CNTN3: variants seen among roughly 807,000 people sequenced by gnomAD.
CNTN3 encodes contactin 3, also known as contactin-3.
CNTN3 carries 60 observed loss-of-function variants against 119.1 expected under a neutral mutation model. The ratio of observed to expected loss-of-function variants is 0.50; its 90% CI spans 0.41 to 0.62. The LOEUF (loss-of-function observed/expected upper bound fraction) is 0.62, where lower values mean the gene tolerates loss of function less well. CNTN3 is among the 20% of genes least tolerant of loss of function. The pLI, the probability that CNTN3 is intolerant of heterozygous loss-of-function variation, is 0.00. For missense variants in CNTN3, 1,101 were observed against 1,242.4 expected (o/e 0.89, Z 1.71); for synonymous variants, 450 against 438.7 (o/e 1.03, Z -0.32).
chr3:74,470,117 T>C (rs981059950), intron 4 of CNTN3, among the ~76,000 whole-genome samples: 5 of 152,082 alleles, frequency 3.3e-5, no homozygotes, highest in African/African-American at 1.2e-4. Context: ...GTATATAAAA[T>C]GTCCAGAATA....
intron 4 of CNTN3, among the ~76,000 whole-genome samples, chr3:74,453,002 C>T (rs1234430586): frequency 2.6e-5 from 4 of 151,734 alleles, no homozygotes; most frequent in African/African-American, 7.3e-5. Flanking sequence ...CTCTGCCCAG[C>T]TTTGGTATCA....
intron 13 of CNTN3, among the ~76,000 whole-genome samples, chr3:74,333,666 T>A (rs1468379010): frequency 6.6e-6 from 1 of 151,774 alleles, no homozygotes; most frequent in Non-Finnish European, 1.5e-5. Context: ...AATTTCCAAA[T>A]AAGGTCACAT....
chr3:74,450,494 G>A (rs942376011), intron 4 of CNTN3, among the ~76,000 whole-genome samples: 6 of 105,412 alleles, frequency 5.7e-5, no homozygotes, highest in African/African-American at 2.4e-4. Context: ...TGGTTTATCT[G>A]AAGCCCTGTT....
intron 1 of CNTN3, among the ~76,000 whole-genome samples, chr3:74,537,771 C>G (rs1703786614): frequency 6.6e-6 from 1 of 152,054 alleles, no homozygotes. Context: ...AGTACATTAA[C>G]AGAGAAGGGA....
intron 1 of CNTN3, among the ~76,000 whole-genome samples, chr3:74,611,208 A>G (rs1705076598): frequency 6.6e-6 from 1 of 152,216 alleles, no homozygotes; most frequent in Admixed American, 6.5e-5. Context: ...ACTTAAGAAA[A>G]TAGTCATTTT....
At chr3:74,568,843 T>G (rs1312515678) in intron 1 of CNTN3, among the ~76,000 whole-genome samples, 2 of 152,216 alleles carry the variant, frequency 1.3e-5, no homozygotes, top group East Asian at 3.9e-4. Flanking sequence ...CTCGAAGGCC[T>G]CAGCCATTGG....
intron 4 of CNTN3, among the ~76,000 whole-genome samples, chr3:74,426,882 T>C (rs891779406): frequency 1.3e-5 from 2 of 152,354 alleles, no homozygotes; most frequent in East Asian, 3.9e-4. Context: ...AGATTATTTC[T>C]TGATGATCAA....
intron 4 of CNTN3, among the ~76,000 whole-genome samples, chr3:74,435,357 T>C (rs921465021): frequency 6.6e-6 from 1 of 152,052 alleles, no homozygotes; most frequent in Non-Finnish European, 1.5e-5. Context: ...TGTATTATTT[T>C]GTAGAGATGG....
chr3:74,361,941 C>G lies in CNTN3; in HGVS notation c.1313G>C (p.Arg438Thr), dbSNP rs747834101. Residue 438 changes from arginine (R) to threonine (T), a missense_variant, in exon 11 of 23, where the codon AGG (arginine) becomes ACG (threonine). Physicochemically the swap from Arg to Thr is moderately conservative, Grantham distance 71. Transcript: ENST00000263665. Reference protein sequence around the residue: ...SLDCKPRASPRALSSWKKGDV... With the variant: ...SLDCKPRASPTALSSWKKGDV... ...CCCCTTCTTCCAGGAAGAGAGTGCCCTTGGGGAGGCTCTGGGTTTACAATC... is the reference window on the plus strand; with the variant it reads ...CCCCTTCTTCCAGGAAGAGAGTGCCGTTGGGGAGGCTCTGGGTTTACAATC... The G allele has an allele frequency of 2.5e-6, 4 of 1,613,762 alleles. No individual in the cohort carries two copies. The highest frequency in any genetic ancestry group is 3.4e-6 in the Non-Finnish European group (4 of 1,179,796).
At chr3:74,289,941 G>A (rs906336684) in intron 19 of CNTN3, among the ~76,000 whole-genome samples, 13 of 152,068 alleles carry the variant, frequency 8.5e-5, no homozygotes, top group Non-Finnish European at 1.3e-4. Flanking sequence ...AAAATGGTGT[G>A]GACTTAACTA....
At chr3:74,445,798 T>C (rs1702039436) in intron 4 of CNTN3, among the ~76,000 whole-genome samples, 1 of 152,156 alleles carries the variant, frequency 6.6e-6, no homozygotes, top group African/African-American at 2.4e-5. Context: ...ACATTCTTCA[T>C]TGGTGTTTAA....
chr3:74,529,926 A>G (rs1414514376), intron 1 of CNTN3, among the ~76,000 whole-genome samples: 1 of 142,690 alleles, frequency 7.0e-6, no homozygotes, highest in Admixed American at 6.8e-5. Flanking sequence ...AGAAAAAGGT[A>G]AATGAAATCA....
chr3:74,396,662 C>T (rs376662846), intron 5 of CNTN3, among the ~76,000 whole-genome samples: 34 of 146,414 alleles, frequency 2.3e-4, no homozygotes, highest in Non-Finnish European at 3.1e-4. Context: ...AGGAGAATGG[C>T]GAGAACCCGG....
chr3:74,567,518 C>A (rs549546860), intron 1 of CNTN3, among the ~76,000 whole-genome samples: 1 of 151,930 alleles, frequency 6.6e-6, no homozygotes, highest in Non-Finnish European at 1.5e-5. Flanking sequence ...TATTTCAACA[C>A]GTTTGAGTTC....
At chr3:74,587,428 A>T (rs1177415499) in intron 1 of CNTN3, among the ~76,000 whole-genome samples, 1 of 151,796 alleles carries the variant, frequency 6.6e-6, no homozygotes, top group Non-Finnish European at 1.5e-5. Context: ...TTCCCTTTTT[A>T]CGTCATTACA....
intron 1 of CNTN3, among the ~76,000 whole-genome samples, chr3:74,603,600 T>C (rs547622777): frequency 1.2e-4 from 19 of 152,172 alleles, no homozygotes; most frequent in African/African-American, 4.3e-4. Flanking sequence ...AAAAAAGATA[T>C]CTCACATTTT....
At chr3:74,303,911 G>T (rs572249879) in intron 13 of CNTN3, among the ~76,000 whole-genome samples, 4 of 152,046 alleles carry the variant, frequency 2.6e-5, no homozygotes, top group African/African-American at 9.7e-5. Flanking sequence ...ATATGATTTC[G>T]AAACCAAAGC....
chr3:74,374,457 C>G lies in CNTN3; in HGVS notation c.455-3058G>C, dbSNP rs560514483. On this transcript the variant is annotated intron_variant, in intron 5 of 22. Transcript: ENST00000263665. ...CCCTGTTGAATTCTGAAAGAATGCC[C>G]ATTTTCATTGACTTCCTTTCCTAGG... 2.0e-5 allele frequency among the ~76,000 whole-genome samples: 3 copies of G among 152,122 alleles called. No homozygotes were observed. The South Asian group carries it at 6.2e-4, about 32-fold the overall frequency.
chr3:74,471,514 C>A (rs1702566522), intron 4 of CNTN3, among the ~76,000 whole-genome samples: 1 of 152,132 alleles, frequency 6.6e-6, no homozygotes, highest in South Asian at 2.1e-4. Flanking sequence ...TTGATCCTCT[C>A]TAGCCTCACT....
Sources: gnomAD v4.1 joint callset for allele counts (sites outside exome capture counted in the v4.1 genomes callset) on GRCh38, gnomAD v4.1.1 for gene constraint, MANE v1.5 for transcripts, NCBI Gene and HGNC (gene_info 2026-07-23, HGNC 2026-07-21) for gene names.